Variants in IFT80 observed in about 807,000 individuals in gnomAD.
IFT80 encodes intraflagellar transport 80.
IFT80 carries 79 observed loss-of-function variants against 107.9 expected under a neutral mutation model. The ratio of observed to expected loss-of-function variants is 0.73; its 90% CI spans 0.61 to 0.88. IFT80 has a LOEUF of 0.88. IFT80 is among the 40% of genes least tolerant of loss of function. The pLI is 0.00. For missense variants in IFT80, 797 were observed against 914.2 expected, an observed-to-expected ratio of 0.87 and a Z score of 1.65; for synonymous variants, 299 against 300.9, an observed-to-expected ratio of 0.99 and a Z score of 0.07.
At chr3:160,339,604 G>A (rs1358650722) in intron 8 of IFT80, among the ~76,000 whole-genome samples, 1 of 151,914 alleles carries the variant, frequency 6.6e-6, no homozygotes, top group Non-Finnish European at 1.5e-5. Context: ...AGTTTTCTTA[G>A]GCTACAGAAT....
intron 5 of IFT80, among the ~76,000 whole-genome samples, chr3:160,369,226 G>C (rs187173571): frequency 6.6e-6 from 1 of 152,008 alleles, no homozygotes; most frequent in East Asian, 1.9e-4. Flanking sequence ...AAAAAGTTAA[G>C]TAATTCCTTT....
intron 8 of IFT80, among the ~76,000 whole-genome samples, chr3:160,355,470 C>G (rs1296317597): frequency 2.0e-5 from 3 of 152,062 alleles, no homozygotes; most frequent in African/African-American, 7.2e-5. Context: ...GGGCTGGTCT[C>G]AAACTCCTGG....
At chr3:160,262,679 G>A (rs912074260) in intron 19 of IFT80, among the ~76,000 whole-genome samples, 1 of 152,140 alleles carries the variant, frequency 6.6e-6, no homozygotes, top group Non-Finnish European at 1.5e-5. Context: ...GCTGACAAGA[G>A]TTGTCTCTAG....
chr3:160,275,463 C>T (rs191757664), intron 18 of IFT80, among the ~76,000 whole-genome samples: 1 of 152,228 alleles, frequency 6.6e-6, no homozygotes, highest in Admixed American at 6.5e-5. Flanking sequence ...TATCTTTCCC[C>T]TTATGGATTA....
intron 8 of IFT80, among the ~76,000 whole-genome samples, chr3:160,334,981 G>C (rs1488740453): frequency 1.3e-5 from 2 of 151,798 alleles, no homozygotes; most frequent in African/African-American, 4.8e-5. Flanking sequence ...CTATTATTGA[G>C]TTGATCATTG....
At chr3:160,383,386 TCAC>T in intron 2 of IFT80, 2 of 802,684 alleles carry the variant, frequency 2.5e-6, no homozygotes, top group Non-Finnish European at 3.0e-6. Context: ...AATTACATCT[TCAC>T]TTAATAGTTA....
At chr3:160,385,060 A>G (rs949511894) in intron 1 of IFT80, among the ~76,000 whole-genome samples, 28 of 152,246 alleles carry the variant, frequency 1.8e-4, no homozygotes, top group African/African-American at 6.5e-4. Context: ...CCATGTGGAA[A>G]AATACAACAT....
intron 9 of IFT80, among the ~76,000 whole-genome samples, chr3:160,312,339 G>C (rs768926747): frequency 2.6e-5 from 4 of 151,192 alleles, no homozygotes; most frequent in Non-Finnish European, 5.9e-5. Flanking sequence ...GGAGAGAAAG[G>C]AGCTACCTCA....
rs1231488425 is a variant in IFT80 at position 160,257,230 on chromosome 3, T to TA, written c.*1294dup. The stretch of plus-strand genomic sequence containing the variant: ...ATGTTAAAAAGAAAAGATTTTTATT[T>TA]AAAAAACCTAGACATAGTAATTAAA... On this transcript the variant is annotated 3_prime_UTR_variant, in exon 20 of 20. Transcript: ENST00000326448. The TA allele has an allele frequency of 6.6e-6, 1 of 152,126 alleles. No homozygotes were observed. The allele number at this position is 152,126 out of a possible 1,614,324, so 9.4% of individuals were successfully genotyped here. A position where few individuals can be genotyped will look rare whatever the true frequency, so the allele number is the denominator to read the frequency against.
intron 8 of IFT80, among the ~76,000 whole-genome samples, chr3:160,322,343 T>C (rs1484834896): frequency 6.6e-6 from 1 of 151,922 alleles, no homozygotes; most frequent in Non-Finnish European, 1.5e-5. Flanking sequence ...ATTTCATCCA[T>C]GTCCCTACAA....
chr3:160,285,967 T>C, intron 12 of IFT80, 99 bp from the exon 13 acceptor site: 1 of 808,448 alleles, frequency 1.2e-6, no homozygotes, highest in Non-Finnish European at 2.0e-6. Flanking sequence ...ATTATTTAAC[T>C]CTCTAGACCA....
chr3:160,378,793 A>G (rs537554440), intron 3 of IFT80, among the ~76,000 whole-genome samples: 1 of 152,224 alleles, frequency 6.6e-6, no homozygotes, highest in Admixed American at 6.5e-5. Flanking sequence ...CCCCAAAAAA[A>G]CAAATAAATA....
chr3:160,260,560 A>G (rs1712740755), intron 19 of IFT80, among the ~76,000 whole-genome samples: 1 of 152,214 alleles, frequency 6.6e-6, no homozygotes, highest in Non-Finnish European at 1.5e-5. Context: ...GTCAGTGGAT[A>G]GCTGTCCTAC....
At chr3:160,346,805 G>A (rs1158868766) in intron 8 of IFT80, among the ~76,000 whole-genome samples, 2 of 151,710 alleles carry the variant, frequency 1.3e-5, no homozygotes, top group Non-Finnish European at 2.9e-5. Context: ...TTTAATACAC[G>A]GCCAGACCAC....
At chr3:160,261,490 A>G (rs1001547517) in intron 19 of IFT80, among the ~76,000 whole-genome samples, 3 of 148,106 alleles carry the variant, frequency 2.0e-5, no homozygotes, top group Non-Finnish European at 4.5e-5. Flanking sequence ...AGATTTTGAA[A>G]ATAGAGAAGG....
intron 5 of IFT80, among the ~76,000 whole-genome samples, chr3:160,374,899 T>A (rs1331427878): frequency 1.3e-5 from 2 of 152,240 alleles, no homozygotes. Flanking sequence ...TGAGATTATC[T>A]GTAGCAAACA....
At chr3:160,310,605 A>G (rs1717168290) in intron 9 of IFT80, among the ~76,000 whole-genome samples, 1 of 152,208 alleles carries the variant, frequency 6.6e-6, no homozygotes, top group African/African-American at 2.4e-5. Context: ...ATAGGTCTAA[A>G]CAACTATCAT....
chr3:160,395,351 C>T (rs1713694887), intron 1 of IFT80, among the ~76,000 whole-genome samples: 1 of 152,076 alleles, frequency 6.6e-6, no homozygotes, highest in Admixed American at 6.5e-5. Flanking sequence ...AGTAGAGTAC[C>T]CAATACACAG....
chr3:160,304,340 G>A (rs55815116), intron 10 of IFT80, among the ~76,000 whole-genome samples: 12,291 of 152,034 alleles, frequency 0.081, 674 homozygotes, highest in African/African-American at 0.15. Context: ...TTTAAAAACA[G>A]TAGCAGCATG....
Sources: allele counts gnomAD v4.1 joint callset (sites outside exome capture counted in the v4.1 genomes callset), GRCh38; gene constraint gnomAD v4.1.1; transcripts MANE v1.5; gene names NCBI Gene and HGNC (gene_info 2026-07-23, HGNC 2026-07-21).